The following SDK1 variants were observed in gnomAD, a reference collection of about 807,000 sequenced individuals.
The protein encoded by SDK1 is sidekick cell adhesion molecule 1, also known as protein sidekick-1.
SDK1 carries 157 observed loss-of-function variants against 245.5 expected under a neutral mutation model. The ratio of observed to expected loss-of-function variants is 0.64; its 90% confidence interval spans 0.56 to 0.73. The LOEUF is 0.73. SDK1 is among the 30% of genes least tolerant of loss of function. The probability of loss-of-function intolerance (pLI) is 0.00; values close to 1 mark genes in which losing one functional copy is unlikely to be tolerated. For missense variants in SDK1, 3,583 were observed against 3,002.3 expected, an observed-to-expected ratio of 1.19 and a Z score of -4.52; for synonymous variants, 1,647 against 1,278.5, an observed-to-expected ratio of 1.29 and a Z score of -6.15.
intron 44 of SDK1, among the ~76,000 whole-genome samples, chr7:4,247,404 G>A (rs1786951879): frequency 1.3e-5 from 2 of 152,240 alleles, no homozygotes; most frequent in Non-Finnish European, 1.5e-5. Context: ...TGCTCGGAAA[G>A]GGACATTTGT....
chr7:3,884,537 G>C (rs953487110), intron 5 of SDK1, among the ~76,000 whole-genome samples: 51 of 152,190 alleles, frequency 3.4e-4, no homozygotes, highest in African/African-American at 1.2e-3. Context: ...TGAGTCTCAG[G>C]GAGATTAGGC....
chr7:4,149,525 C>A, intron 30 of SDK1, 62 bp downstream of exon 30: 5 of 1,222,782 alleles, frequency 4.1e-6, no homozygotes, highest in Non-Finnish European at 5.4e-6. Flanking sequence ...CAGCCAGCTC[C>A]TGTCCAGATA....
At chr7:3,788,229 C>T (rs1018178668) in intron 4 of SDK1, among the ~76,000 whole-genome samples, 2 of 152,202 alleles carry the variant, frequency 1.3e-5, no homozygotes, top group East Asian at 3.8e-4. Context: ...GTGGCTACTG[C>T]TGCCGGACAC....
intron 4 of SDK1, among the ~76,000 whole-genome samples, chr7:3,767,810 A>AT (rs142632796): frequency 0.013 from 1,999 of 152,316 alleles, 53 homozygotes; most frequent in African/African-American, 0.046. Context: ...CTTAGGAATC[A>AT]TTTGGAAGGA....
chr7:3,446,337 T>C (rs1442715103), intron 1 of SDK1, among the ~76,000 whole-genome samples: 1 of 152,168 alleles, frequency 6.6e-6, no homozygotes, highest in Non-Finnish European at 1.5e-5. Flanking sequence ...TTTAGAAATG[T>C]TTGAGTTAAG....
At chr7:3,624,267 A>G (rs1039655204) in intron 2 of SDK1, among the ~76,000 whole-genome samples, 2 of 152,178 alleles carry the variant, frequency 1.3e-5, no homozygotes, top group East Asian at 3.9e-4. Context: ...TGGCCTGATC[A>G]TGGCTTACTT....
At chr7:3,715,709 C>CT (rs1329647458) in intron 4 of SDK1, among the ~76,000 whole-genome samples, 1 of 152,118 alleles carries the variant, frequency 6.6e-6, no homozygotes, top group Non-Finnish European at 1.5e-5. Context: ...GACAAGGAGT[C>CT]TTAACATAAT....
intron 4 of SDK1, among the ~76,000 whole-genome samples, chr7:3,666,920 A>C (rs558833488): frequency 1.3e-5 from 2 of 152,206 alleles, no homozygotes; most frequent in East Asian, 1.9e-4. Context: ...TGGTGCAGTC[A>C]CATCACACTT....
intron 5 of SDK1, among the ~76,000 whole-genome samples, chr7:3,869,085 G>A (rs1780893724): frequency 6.6e-6 from 1 of 151,114 alleles, no homozygotes; most frequent in African/African-American, 2.4e-5. Context: ...GTCAATTGAA[G>A]ATTTTTTTTT....
At chr7:3,797,409 T>G (rs1053546349) in intron 4 of SDK1, among the ~76,000 whole-genome samples, 3 of 151,996 alleles carry the variant, frequency 2.0e-5, no homozygotes, top group Non-Finnish European at 4.4e-5. Flanking sequence ...TTTTTCTGTA[T>G]AGTCATTTAG....
In SDK1 at chr7:3,547,010, G is replaced by A. The variant is rs113014275; in HGVS notation, c.299-72070G>A. Reference sequence around the variant, plus strand: ...GGGAGGAAAATCTGAAAATCTCAAGGAATTTTTAATCTTAAGATTAAAAAA... The same window carrying A: ...GGGAGGAAAATCTGAAAATCTCAAGAAATTTTTAATCTTAAGATTAAAAAA... On this transcript the variant is annotated intron_variant, in intron 1 of 44. Transcript: ENST00000404826. Among the ~76,000 whole-genome samples, 673 of 152,106 alleles carry A rather than the reference G, an allele frequency of 4.4e-3. 9 individuals are homozygous for A. The highest frequency in any genetic ancestry group is 0.015 in the African/African-American group (633 of 41,492).
intron 14 of SDK1, among the ~76,000 whole-genome samples, chr7:3,998,736 T>TG (rs1784857904): frequency 6.6e-6 from 1 of 152,212 alleles, no homozygotes; most frequent in Non-Finnish European, 1.5e-5. Flanking sequence ...TCTTCATGTT[T>TG]TCTAACAATG....
intron 30 of SDK1, among the ~76,000 whole-genome samples, chr7:4,153,828 T>C (rs1021683696): frequency 1.3e-5 from 2 of 148,392 alleles, no homozygotes; most frequent in African/African-American, 5.1e-5. Context: ...AGGCATATGC[T>C]ATCGTGCCTG....
intron 13 of SDK1, among the ~76,000 whole-genome samples, chr7:3,984,783 G>A (rs1321224774): frequency 6.6e-6 from 1 of 152,170 alleles, no homozygotes; most frequent in Non-Finnish European, 1.5e-5. Flanking sequence ...CTGACATTGT[G>A]TCCAGTCTGT....
intron 5 of SDK1, among the ~76,000 whole-genome samples, chr7:3,845,230 T>G (rs1780246983): frequency 6.6e-6 from 1 of 151,988 alleles, no homozygotes; most frequent in Admixed American, 6.6e-5. Flanking sequence ...GTGCGGTGGC[T>G]CACACCTTCC....
intron 1 of SDK1, among the ~76,000 whole-genome samples, chr7:3,499,364 G>GT (rs369857932): frequency 9.2e-5 from 14 of 151,792 alleles, no homozygotes; most frequent in Non-Finnish European, 1.6e-4. Flanking sequence ...TTTTTTGTGT[G>GT]TTTTTTTTAA....
intron 5 of SDK1, among the ~76,000 whole-genome samples, chr7:3,861,167 C>G (rs1010483556): frequency 1.3e-4 from 20 of 152,154 alleles, no homozygotes; most frequent in African/African-American, 4.6e-4. Context: ...CTCGTGTCAA[C>G]TGGAAACAGT....
intron 44 of SDK1, among the ~76,000 whole-genome samples, chr7:4,252,246 C>A (rs1009667953): frequency 2.7e-5 from 4 of 147,384 alleles, no homozygotes; most frequent in Non-Finnish European, 1.5e-5. Flanking sequence ...TGTGATGTTC[C>A]CCTTCCTGTG....
chr7:4,182,225 C>A (rs1230737294), intron 35 of SDK1, among the ~76,000 whole-genome samples: 1 of 152,138 alleles, frequency 6.6e-6, no homozygotes, highest in East Asian at 1.9e-4. Context: ...CTGCCACTGC[C>A]CCAGGACACC....
Sources: allele counts gnomAD v4.1 joint callset (sites outside exome capture counted in the v4.1 genomes callset), GRCh38; gene constraint gnomAD v4.1.1; transcripts MANE v1.5; gene names NCBI Gene and HGNC (gene_info 2026-07-23, HGNC 2026-07-21).